The following TBC1D1 variants were observed in gnomAD, a reference collection of about 807,000 sequenced individuals.
TBC1D1 encodes TBC1 (tre-2/USP6, BUB2, cdc16) domain family, member 1.
Under a neutral mutation model 125.6 loss-of-function variants are expected in TBC1D1, and 89 were observed. The ratio of observed to expected loss-of-function variants is 0.71; its 90% CI spans 0.60 to 0.85. The LOEUF (loss-of-function observed/expected upper bound fraction) is 0.85, where lower values mean the gene tolerates loss of function less well. TBC1D1 is among the 40% of genes least tolerant of loss of function. TBC1D1 has a pLI of 0.00. For synonymous variants in TBC1D1, 565 were observed against 564.1 expected (o/e 1.00, Z -0.02); for missense variants, 1,377 against 1,469.2 (o/e 0.94, Z 1.03).
intron 12 of TBC1D1, among the ~76,000 whole-genome samples, chr4:38,083,389 T>G (rs1756914706): frequency 6.6e-6 from 1 of 152,198 alleles, no homozygotes; most frequent in Non-Finnish European, 1.5e-5. Flanking sequence ...GAGTTAATAA[T>G]TACCTGCACA....
At chr4:37,909,581 G>C (rs985252951) in intron 2 of TBC1D1, among the ~76,000 whole-genome samples, 10 of 152,064 alleles carry the variant, frequency 6.6e-5, no homozygotes, top group Admixed American at 5.2e-4. Flanking sequence ...CACAGAGCTA[G>C]AGCATTTTGT....
At chr4:38,135,274 G>A (rs986215278) in intron 19 of TBC1D1, among the ~76,000 whole-genome samples, 6 of 152,104 alleles carry the variant, frequency 3.9e-5, no homozygotes, top group East Asian at 1.9e-4. Context: ...ACATGTGAAC[G>A]TTGTCTAGAC....
chr4:37,960,833 G>C, intron 2 of TBC1D1: 1 of 1,614,140 alleles, frequency 6.2e-7, no homozygotes, highest in Middle Eastern at 1.6e-4. Flanking sequence ...TGCCTGAAGA[G>C]CGCCAGATTG....
chr4:37,945,512 CAAAAAAAAAAAAAAAAAAAA>C (rs59557310), intron 2 of TBC1D1, among the ~76,000 whole-genome samples: 14 of 20,694 alleles, frequency 6.8e-4, no homozygotes, highest in Middle Eastern at 0.045. Flanking sequence ...GACTCCACCT[CAAAAAAAAAAAAAAAAAAAA>C]AAAAAAAAAA....
At chr4:38,098,518 G>A (rs560586199) in intron 14 of TBC1D1, among the ~76,000 whole-genome samples, 1 of 152,318 alleles carries the variant, frequency 6.6e-6, no homozygotes, top group East Asian at 1.9e-4. Flanking sequence ...GGGCACAGAT[G>A]ATTGAGCATT....
chr4:38,025,251 A>T (rs1744847114), intron 6 of TBC1D1, among the ~76,000 whole-genome samples: 1 of 152,204 alleles, frequency 6.6e-6, no homozygotes, highest in South Asian at 2.1e-4. Flanking sequence ...AACTCTCTTG[A>T]TGCTGGTTAC....
intron 15 of TBC1D1, chr4:38,111,841 A>C: frequency 1.5e-6 from 1 of 686,340 alleles, no homozygotes; most frequent in Non-Finnish European, 1.8e-6. Flanking sequence ...CTGTGTTACA[A>C]AGTCAGATGG....
chr4:38,007,160 T>C (rs1015879096), intron 2 of TBC1D1: 1 of 187,868 alleles, frequency 5.3e-6, no homozygotes, highest in Non-Finnish European at 1.2e-5. Flanking sequence ...CACCCACACC[T>C]GGTGACTGGT....
intron 2 of TBC1D1, among the ~76,000 whole-genome samples, chr4:37,910,798 T>A (rs1718435183): frequency 6.6e-6 from 1 of 152,084 alleles, no homozygotes; most frequent in Non-Finnish European, 1.5e-5. Context: ...AAGAGTGTGA[T>A]TGGATTGTTT....
Position 38,090,118 on chromosome 4 carries a change from G to T in TBC1D1, c.2236+1G>T, listed in dbSNP as rs1400162100. On this transcript the variant is annotated splice_donor_variant, in intron 13 of 19. Transcript: ENST00000261439. LOFTEE classifies it high-confidence loss of function. ...GAGAAGGAAAATCAGAAGCTCCAAG[G>T]TTGGTTTGCCATCTTGATATTGAAC... is the stretch of plus-strand genomic sequence containing the variant. 1.9e-6 allele frequency: 3 copies of T among 1,613,876 alleles called. No individual in the cohort carries two copies. Among genetic ancestry groups the T allele is most frequent in the Non-Finnish European group, 2.5e-6 (3 of 1,179,898 alleles).
In TBC1D1 at chr4:38,090,006, C is replaced by T; in HGVS notation, c.2125C>T (p.Pro709Ser). Residue 709 changes from proline (P) to serine (S), a missense_variant, in exon 13 of 20, where the codon CCA (proline) becomes TCA (serine). Physicochemically the swap from Pro to Ser is moderately conservative, Grantham distance 74 (BLOSUM62 -1). Transcript: ENST00000261439. ...TTGTGAAGATGGGCCCTTTGGCCCC[C>T]CACCAGAGGAAAAGAAAAGGACATC... 2 of 1,614,124 alleles carry T rather than the reference C, an allele frequency of 1.2e-6. No homozygotes were observed. Among genetic ancestry groups the T allele is most frequent in the South Asian group, 2.2e-5 (2 of 91,070 alleles).
intron 15 of TBC1D1, among the ~76,000 whole-genome samples, chr4:38,104,944 A>G (rs916718392): frequency 4.0e-5 from 6 of 151,800 alleles, no homozygotes; most frequent in Non-Finnish European, 7.4e-5. Context: ...TTTAGTAGAG[A>G]CGGGGTTTCA....
At chr4:37,958,396 A>C (rs1213555791) in intron 2 of TBC1D1, among the ~76,000 whole-genome samples, 1 of 152,116 alleles carries the variant, frequency 6.6e-6, no homozygotes, top group East Asian at 1.9e-4. Flanking sequence ...GGTGTACTCT[A>C]TTTTCCAGCA....
Position 38,115,729 on chromosome 4 carries a change from C to T in TBC1D1, c.2577C>T (p.His859=), listed in dbSNP as rs369492733. 1.1e-5 allele frequency: 17 copies of T among 1,613,990 alleles called. No individual in the cohort carries two copies. In the African/African-American group the frequency reaches 2.1e-4, roughly 20 times the overall value. Residue 859 remains histidine (H), a synonymous_variant, in exon 16 of 20, where the codon CAC becomes CAT. Transcript: ENST00000261439. ...TCACAGGGCGAACCTTTCCTACACACCCATACTTCTCTGCCCAGCTTGGAG... is the reference window on the plus strand; with the variant it reads ...TCACAGGGCGAACCTTTCCTACACATCCATACTTCTCTGCCCAGCTTGGAG...
chr4:38,050,062 T>A (rs1750215560), intron 11 of TBC1D1, among the ~76,000 whole-genome samples, 164 bp downstream of exon 11: 1 of 152,286 alleles, frequency 6.6e-6, no homozygotes, highest in African/African-American at 2.4e-5. Flanking sequence ...GAGCTGCTTG[T>A]GAGTATACAA....
intron 2 of TBC1D1, among the ~76,000 whole-genome samples, chr4:37,938,534 A>G (rs1289353253): frequency 6.6e-6 from 1 of 151,934 alleles, no homozygotes; most frequent in Non-Finnish European, 1.5e-5. Flanking sequence ...ATTTTATTTT[A>G]TGTTTTTATT....
At chr4:38,102,935 C>T (rs1465434760) in intron 14 of TBC1D1, 64 bp from the exon 17 acceptor site, 2 of 1,416,218 alleles carry the variant, frequency 1.4e-6, no homozygotes, top group Middle Eastern at 1.8e-4. Flanking sequence ...AAACACAATT[C>T]ATTTTTATTA....
chr4:38,006,874 A>C (rs1383428444), intron 2 of TBC1D1: 1 of 502,156 alleles, frequency 2.0e-6, no homozygotes, highest in Non-Finnish European at 4.0e-6. Context: ...CATCCTTAAA[A>C]TCCTGATGCT....
chr4:38,125,011 T>A lies in TBC1D1; in HGVS notation c.3012T>A (p.Ser1004Arg). The change falls in exon 18 of 20, where the codon AGT becomes AGA. Residue 1004 changes from serine (S) to arginine (R), a missense_variant. Physicochemically the swap from Ser to Arg is moderately radical, Grantham distance 110. Transcript: ENST00000261439. ...AGGTCATATTTAAAGTGGCTTTAAG[T>A]CTGTTGGGAAGCCATAAGCCCTTGA... 6.2e-7 allele frequency: 1 copy of A among 1,614,098 alleles called. No homozygotes were observed. The highest frequency in any genetic ancestry group is 1.1e-5 in the South Asian group (1 of 91,076).
Sources: gnomAD v4.1 joint callset for allele counts (sites outside exome capture counted in the v4.1 genomes callset) on GRCh38, gnomAD v4.1.1 for gene constraint, MANE v1.5 for transcripts, NCBI Gene and HGNC (gene_info 2026-07-23, HGNC 2026-07-21) for gene names.